Variants in EXOC4 observed in about 807,000 individuals in gnomAD.
The protein encoded by EXOC4 is exocyst complex component 4.
EXOC4 carries 71 observed loss-of-function variants against 107.2 expected under a neutral mutation model. The ratio of observed to expected loss-of-function variants is 0.66; its 90% confidence interval spans 0.55 to 0.81. EXOC4 has a LOEUF of 0.81. Ranked by LOEUF, EXOC4 falls within the 30% of genes least tolerant of loss-of-function variation. The pLI is 0.00. For missense variants in EXOC4, 1,108 were observed against 1,189.6 expected (o/e 0.93, Z 1.01); for synonymous variants, 456 against 441.2 (o/e 1.03, Z -0.42).
At chr7:133,778,162 A>C (rs1414602472) in intron 10 of EXOC4, among the ~76,000 whole-genome samples, 1 of 152,214 alleles carries the variant, frequency 6.6e-6, no homozygotes, top group Non-Finnish European at 1.5e-5. Context: ...GTTTTGACCC[A>C]AGTTGCCATC....
At chr7:133,735,448 T>C (rs1795424891) in intron 10 of EXOC4, among the ~76,000 whole-genome samples, 1 of 152,012 alleles carries the variant, frequency 6.6e-6, no homozygotes, top group African/African-American at 2.4e-5. Flanking sequence ...ATCTTCCTGA[T>C]CTTTTCTTAT....
chr7:133,755,643 C>A (rs945618571), intron 10 of EXOC4, among the ~76,000 whole-genome samples: 1 of 151,754 alleles, frequency 6.6e-6, no homozygotes, highest in Non-Finnish European at 1.5e-5. Flanking sequence ...CGCCTGGCAT[C>A]GTTTATAATT....
Position 133,367,408 on chromosome 7 carries a change from G to A in EXOC4, c.1008-7420G>A, listed in dbSNP as rs139501093. The stretch of plus-strand genomic sequence containing the variant: ...CAAGTGGGCAGTAGAAACAAGTGCC[G>A]CGGCTATTTGATTAGAGGCCAAAGT... On this transcript the variant is annotated intron_variant, in intron 6 of 17. Transcript: ENST00000253861. 7.2e-5 allele frequency among the ~76,000 whole-genome samples: 11 copies of A among 152,218 alleles called. No individual in the cohort carries two copies. The East Asian group carries it at 1.2e-3, about 16-fold the overall frequency.
At chr7:133,637,959 T>C (rs1802753835) in intron 10 of EXOC4, among the ~76,000 whole-genome samples, 1 of 152,094 alleles carries the variant, frequency 6.6e-6, no homozygotes, top group South Asian at 2.1e-4. Flanking sequence ...ATTTCAGCAG[T>C]TTCTAAAGAG....
intron 9 of EXOC4, among the ~76,000 whole-genome samples, chr7:133,617,807 C>T (rs1802230265): frequency 6.6e-6 from 1 of 152,142 alleles, no homozygotes; most frequent in Non-Finnish European, 1.5e-5. Flanking sequence ...TATACATCCT[C>T]TGGGTAGTGT....
At chr7:133,654,684 A>G (rs1803244866) in intron 10 of EXOC4, among the ~76,000 whole-genome samples, 1 of 152,290 alleles carries the variant, frequency 6.6e-6, no homozygotes, top group Admixed American at 6.5e-5. Context: ...CGTCATTCAT[A>G]ATAAAATATA....
chr7:133,842,986 C>A (rs1287076397), intron 11 of EXOC4, among the ~76,000 whole-genome samples: 1 of 152,002 alleles, frequency 6.6e-6, no homozygotes, highest in African/African-American at 2.4e-5. Context: ...ATTATTTCTG[C>A]TCTCTAATAG....
intron 10 of EXOC4, among the ~76,000 whole-genome samples, chr7:133,743,992 G>T (rs1207194866): frequency 2.0e-5 from 3 of 152,064 alleles, no homozygotes; most frequent in African/African-American, 7.2e-5. Flanking sequence ...CATTTTTTAT[G>T]TTCATTTACA....
In EXOC4 at chr7:133,604,789, T is replaced by G. The variant is rs374605928; in HGVS notation, c.1418-25256T>G. The stretch of plus-strand genomic sequence containing the variant: ...CCCAGGCTGGAGTGCAGTGGTGCAA[T>G]CTTGGCTCACTGCAACCCCCACCTC... On this transcript the variant is annotated intron_variant, in intron 9 of 17. Coordinates refer to ENST00000253861, the MANE Select transcript of EXOC4 (RefSeq NM_021807.4). 5.0e-5 allele frequency among the ~76,000 whole-genome samples: 7 copies of G among 141,006 alleles called. No individual in the cohort carries two copies. In the East Asian group the frequency reaches 1.4e-3, roughly 28 times the overall value. The allele number at this position is 141,006 out of a possible 152,430, so 92.5% of individuals were successfully genotyped here.
chr7:133,420,694 A>AT (rs1183943511), intron 7 of EXOC4, among the ~76,000 whole-genome samples: 1 of 152,098 alleles, frequency 6.6e-6, no homozygotes, highest in African/African-American at 2.4e-5. Flanking sequence ...TTTCAGTGAC[A>AT]TTCCTTAGAC....
chr7:133,278,205 A>G (rs921617296), intron 2 of EXOC4, among the ~76,000 whole-genome samples: 3 of 152,232 alleles, frequency 2.0e-5, no homozygotes, highest in African/African-American at 7.2e-5. Context: ...ATAACGTTGA[A>G]CAACATTTAT....
chr7:133,755,264 T>TAA (rs1491287737), intron 10 of EXOC4, among the ~76,000 whole-genome samples: 1 of 94,254 alleles, frequency 1.1e-5, no homozygotes, highest in Non-Finnish European at 2.0e-5. Context: ...TATATATATA[T>TAA]TATATATATT....
chr7:133,852,456 C>T (rs1183158719), intron 11 of EXOC4, among the ~76,000 whole-genome samples: 1 of 152,162 alleles, frequency 6.6e-6, no homozygotes, highest in Non-Finnish European at 1.5e-5. Context: ...GATAGCTTTT[C>T]AACCACCTGC....
At chr7:133,349,555 G>A (rs188031627) in intron 5 of EXOC4, among the ~76,000 whole-genome samples, 33 of 152,000 alleles carry the variant, frequency 2.2e-4, no homozygotes, top group African/African-American at 7.0e-4. Flanking sequence ...TTATCCATTC[G>A]TGTGTTGATG....
At chr7:133,372,856 C>G (rs754904617) in intron 6 of EXOC4, among the ~76,000 whole-genome samples, 9 of 152,154 alleles carry the variant, frequency 5.9e-5, no homozygotes, top group South Asian at 2.1e-4. Flanking sequence ...TTTTAATTTT[C>G]TCCGGTAAGG....
intron 9 of EXOC4, among the ~76,000 whole-genome samples, chr7:133,624,382 A>G (rs1412253975): frequency 6.6e-6 from 1 of 152,078 alleles, no homozygotes; most frequent in Admixed American, 6.5e-5. Flanking sequence ...TTAGGAGTTC[A>G]AGACCATCCT....
chr7:133,784,793 C>T (rs1585142974), intron 10 of EXOC4, among the ~76,000 whole-genome samples: 1 of 152,228 alleles, frequency 6.6e-6, no homozygotes, highest in East Asian at 1.9e-4. Flanking sequence ...GCTGGAAGGC[C>T]ATGTGGTTCA....
intron 10 of EXOC4, among the ~76,000 whole-genome samples, chr7:133,788,612 C>T (rs1796639940): frequency 6.6e-6 from 1 of 152,100 alleles, no homozygotes; most frequent in Non-Finnish European, 1.5e-5. Context: ...CCTGCCTCAG[C>T]CTCCCTAGTA....
chr7:134,078,255 ACT>A, the EXOC4 span, among the ~76,000 whole-genome samples: 2 of 151,960 alleles, frequency 1.3e-5, no homozygotes, highest in Non-Finnish European at 2.9e-5. Flanking sequence ...GTCTCTGAGT[ACT>A]CACAGGAAAG....
Sources: allele counts gnomAD v4.1 joint callset (sites outside exome capture counted in the v4.1 genomes callset), GRCh38; gene constraint gnomAD v4.1.1; transcripts MANE v1.5; gene names NCBI Gene and HGNC (gene_info 2026-07-23, HGNC 2026-07-21).